BMPR1A: variants seen among roughly 807,000 people sequenced by gnomAD.
BMPR1A encodes the protein bone morphogenetic protein receptor type-1A.
BMPR1A carries 7 observed loss-of-function variants against 66.0 expected under a neutral mutation model. The ratio of observed to expected loss-of-function variants is 0.11; its 90% CI spans 0.06 to 0.20. The LOEUF is 0.20. Ranked by LOEUF, BMPR1A falls within the 10% of genes least tolerant of loss-of-function variation. The probability of loss-of-function intolerance (pLI) is 1.00; values close to 1 mark genes in which losing one functional copy is unlikely to be tolerated. For missense variants in BMPR1A, 408 were observed against 669.1 expected (o/e 0.61, Z 4.31); for synonymous variants, 200 against 229.7 (o/e 0.87, Z 1.17).
At chr10:86,886,929 C>G (rs1023192013) in intron 3 of BMPR1A, among the ~76,000 whole-genome samples, 1 of 148,338 alleles carries the variant, frequency 6.7e-6, no homozygotes, top group African/African-American at 2.5e-5. Context: ...CCTCCCAGGT[C>G]AAGTGATTGT....
chr10:86,849,868 G>A (rs1004494328), intron 2 of BMPR1A, among the ~76,000 whole-genome samples: 5 of 152,110 alleles, frequency 3.3e-5, no homozygotes, highest in South Asian at 2.1e-4. Context: ...TTTTATTAGC[G>A]TTTACCTGTG....
At chr10:86,782,484 G>A (rs1333262769) in intron 1 of BMPR1A, among the ~76,000 whole-genome samples, 2 of 151,900 alleles carry the variant, frequency 1.3e-5, no homozygotes, top group Non-Finnish European at 2.9e-5. Context: ...CCACATCCTT[G>A]CCAACACTTG....
At chr10:86,764,425 T>G (rs970808198) in intron 1 of BMPR1A, among the ~76,000 whole-genome samples, 6 of 152,230 alleles carry the variant, frequency 3.9e-5, no homozygotes, top group African/African-American at 1.2e-4. Flanking sequence ...TGACAGATTA[T>G]TCTTCCTTCA....
chr10:86,762,746 A>G (rs1841088987), intron 1 of BMPR1A, among the ~76,000 whole-genome samples: 1 of 152,188 alleles, frequency 6.6e-6, no homozygotes, highest in African/African-American at 2.4e-5. Flanking sequence ...GATCTACAAA[A>G]AGGAAGTCCA....
rs769214238 is a variant in BMPR1A at position 86,899,893 on chromosome 10, A to G, written c.430+3A>G. The G allele has an allele frequency of 2.5e-6, 4 of 1,613,670 alleles. No individual in the cohort carries two copies. In the South Asian group the frequency reaches 3.3e-5, roughly 13 times the overall value. ...CACACTGCCCCCTGTTGTCATAGGTAGGTTAGCCGAGAAAAGTCGGAGCAT... is the reference window on the plus strand; with the variant it reads ...CACACTGCCCCCTGTTGTCATAGGTGGGTTAGCCGAGAAAAGTCGGAGCAT... On this transcript the variant is annotated splice_donor_region_variant and intron_variant, in intron 6 of 12. Coordinates refer to ENST00000372037, the MANE Select transcript of BMPR1A (RefSeq NM_004329.3).
intron 3 of BMPR1A, among the ~76,000 whole-genome samples, chr10:86,886,372 G>A (rs994078680): frequency 1.1e-4 from 16 of 152,194 alleles, no homozygotes; most frequent in African/African-American, 3.6e-4. Context: ...ATGGATTGCA[G>A]GGACCAAGAG....
At chr10:86,900,236 T>C in intron 7 of BMPR1A, 110 bp downstream of exon 7, 1 of 1,043,764 alleles carries the variant, frequency 9.6e-7, no homozygotes, top group Non-Finnish European at 1.4e-6. Flanking sequence ...TGGTTGTATA[T>C]CTCCTTTATG....
At chr10:86,892,284 A>G (rs938513328) in intron 5 of BMPR1A, 55 bp downstream of exon 5, 11 of 1,419,250 alleles carry the variant, frequency 7.8e-6, no homozygotes, top group Middle Eastern at 1.7e-4. Context: ...ATATGAAAGC[A>G]TCGATTTCCC....
Position 86,855,865 on chromosome 10 carries a change from G to C in BMPR1A, c.-153+16886G>C, listed in dbSNP as rs1193772676. On this transcript the variant is annotated intron_variant, in intron 2 of 12. Transcript: ENST00000372037. ...CACTGCTGCTGTCATTATGAGTGCT[G>C]GAAGAACAATTGCTAGAAGATTCAT... The C allele has an allele frequency of 1.5e-5, 11 of 754,510 alleles. No homozygotes were observed. The South Asian group carries it at 1.9e-4, about 13-fold the overall frequency. The allele number at this position is 754,510 out of a possible 1,614,324, so 46.7% of individuals were successfully genotyped here.
chr10:86,854,879 G>T, intron 2 of BMPR1A: 2 of 233,974 alleles, frequency 8.5e-6, no homozygotes, highest in South Asian at 8.2e-5. Flanking sequence ...TCCAGGCAGG[G>T]GAATGACTAT....
At chr10:86,825,422 A>G (rs565065150) in intron 1 of BMPR1A, among the ~76,000 whole-genome samples, 1 of 152,046 alleles carries the variant, frequency 6.6e-6, no homozygotes. Context: ...CACAGACATA[A>G]TCTTTTGACC....
chr10:86,787,885 C>A (rs1433672943), intron 1 of BMPR1A, among the ~76,000 whole-genome samples: 2 of 151,682 alleles, frequency 1.3e-5, no homozygotes, highest in African/African-American at 2.4e-5. Flanking sequence ...GAAATCTGCC[C>A]CCCCCCATAA....
intron 1 of BMPR1A, among the ~76,000 whole-genome samples, chr10:86,825,879 C>A (rs1350380451): frequency 5.9e-5 from 9 of 152,096 alleles, no homozygotes. Flanking sequence ...AATATTTGAT[C>A]TTAATAAGCT....
At chr10:86,795,416 GTTTTT>G (rs10536775) in intron 1 of BMPR1A, among the ~76,000 whole-genome samples, 1 of 149,612 alleles carries the variant, frequency 6.7e-6, no homozygotes, top group Non-Finnish European at 1.5e-5. Flanking sequence ...AAAGTGATTT[GTTTTT>G]TTTTTTTCCT....
chr10:86,831,012 T>C (rs776382928), intron 1 of BMPR1A, among the ~76,000 whole-genome samples: 1 of 152,208 alleles, frequency 6.6e-6, no homozygotes, highest in Non-Finnish European at 1.5e-5. Flanking sequence ...ACTTAGCATA[T>C]ATTCAGGCCT....
rs1841775518 is a variant in BMPR1A, at chr10:86,799,469, T to TTCCTTCCTTC, written c.-267-39396_-267-39395insTCCTTCCTTC. The stretch of plus-strand genomic sequence containing the variant: ...TGTACATTTTCTTTCTTCCTTCCTT[T>TTCCTTCCTTC]CTTCCTTCCTTCCTTCCTTCCTTCC... On this transcript the variant is annotated intron_variant, in intron 1 of 12. Coordinates refer to ENST00000372037, the MANE Select transcript of BMPR1A (RefSeq NM_004329.3). Among the ~76,000 whole-genome samples, 100 of 121,000 alleles carry TTCCTTCCTTC rather than the reference T, an allele frequency of 8.3e-4. 1 individual carries two copies. Among genetic ancestry groups the TTCCTTCCTTC allele is most frequent in the African/African-American group, 2.7e-3 (93 of 34,356 alleles). 79.4% of individuals were successfully genotyped at this position (121,000 alleles called of 152,430 possible).
At chr10:86,773,338 C>T (rs369921336) in intron 1 of BMPR1A, among the ~76,000 whole-genome samples, 18 of 152,044 alleles carry the variant, frequency 1.2e-4, no homozygotes, top group East Asian at 9.7e-4. Context: ...CCTGTGATCC[C>T]AGCACTTTGG....
chr10:86,923,530 A>C, intron 12 of BMPR1A, 24 bp downstream of exon 12: 1 of 1,614,238 alleles, frequency 6.2e-7, no homozygotes, highest in East Asian at 2.2e-5. Context: ...AGTCCCCTGA[A>C]GAAGTGATTC....
chr10:86,869,351 C>T (rs12771108), intron 2 of BMPR1A, among the ~76,000 whole-genome samples: 9,105 of 151,170 alleles, frequency 0.06, 626 homozygotes, highest in African/African-American at 0.17. Context: ...CCAGCTACTC[C>T]GAGGCTGAAG....
Sources: gnomAD v4.1 joint callset for allele counts (sites outside exome capture counted in the v4.1 genomes callset) on GRCh38, gnomAD v4.1.1 for gene constraint, MANE v1.5 for transcripts, NCBI Gene and HGNC (gene_info 2026-07-23, HGNC 2026-07-21) for gene names.